SLC4A4: variants seen among roughly 807,000 people sequenced by gnomAD.
SLC4A4 encodes solute carrier family 4 member 4.
In SLC4A4, 27 loss-of-function variants were observed where a neutral mutation model predicts 111.5. The observed-to-expected ratio is 0.24, with a 90% CI of 0.18 to 0.33. The LOEUF is 0.33. Ranked by LOEUF, SLC4A4 falls within the 10% of genes least tolerant of loss-of-function variation. SLC4A4 has a pLI of 1.00. For missense variants in SLC4A4, 909 were observed against 1,315.5 expected, an observed-to-expected ratio of 0.69 and a Z score of 4.78; for synonymous variants, 443 against 463.4, an observed-to-expected ratio of 0.96 and a Z score of 0.57.
intron 3 of SLC4A4, among the ~76,000 whole-genome samples, chr4:71,338,241 A>T (rs1485948002): frequency 6.6e-6 from 1 of 152,078 alleles, no homozygotes; most frequent in Non-Finnish European, 1.5e-5. Flanking sequence ...ATAAATTTTG[A>T]TCTATGGAAT....
intron 14 of SLC4A4, among the ~76,000 whole-genome samples, chr4:71,478,318 T>C (rs1489112608): frequency 6.6e-6 from 1 of 151,844 alleles, no homozygotes; most frequent in Non-Finnish European, 1.5e-5. Flanking sequence ...AGTGTCTTTA[T>C]TGCAGCAATA....
chr4:71,168,177 CTTT>C lies in SLC4A4; in HGVS notation c.-1-68379_-1-68377del, dbSNP rs777092928. On this transcript the variant is annotated intron_variant, in intron 2 of 26. Transcript: ENST00000649996. ...GTGTTACAAACAATTCAATTATACT[CTTT>C]TTTTTTTTTTTTTTTTTTTGAGATG... Among the ~76,000 whole-genome samples, 529 of 106,224 alleles carry C rather than the reference CTTT, an allele frequency of 5.0e-3. 1 individual carries two copies. The highest frequency in any genetic ancestry group is 0.022 in the African/African-American group (500 of 23,056). 69.7% of individuals were successfully genotyped at this position (106,224 alleles called of 152,430 possible).
intron 6 of SLC4A4, among the ~76,000 whole-genome samples, chr4:71,364,135 G>A (rs1731037903): frequency 1.3e-5 from 2 of 152,142 alleles, no homozygotes; most frequent in African/African-American, 4.8e-5. Flanking sequence ...TAAAACTCAA[G>A]TGGGTCTTTA....
intron 1 of SLC4A4, among the ~76,000 whole-genome samples, chr4:71,211,424 A>G (rs532510367): frequency 6.6e-6 from 1 of 152,352 alleles, no homozygotes; most frequent in African/African-American, 2.4e-5. Flanking sequence ...ATGGTATATG[A>G]TAGCTCACAC....
intron 2 of SLC4A4, among the ~76,000 whole-genome samples, chr4:71,178,972 C>A (rs1036169519): frequency 6.6e-6 from 1 of 152,036 alleles, no homozygotes; most frequent in Admixed American, 6.6e-5. Flanking sequence ...ACTGGCAAAC[C>A]GAATCCAGCA....
chr4:71,410,153 A>G (rs776044655), intron 7 of SLC4A4, among the ~76,000 whole-genome samples: 9 of 152,162 alleles, frequency 5.9e-5, no homozygotes, highest in Non-Finnish European at 1.2e-4. Context: ...GAGGGGTTGG[A>G]TCCCCCACAC....
At chr4:71,287,982 T>A (rs1290347806) in intron 3 of SLC4A4, among the ~76,000 whole-genome samples, 1 of 152,174 alleles carries the variant, frequency 6.6e-6, no homozygotes, top group Non-Finnish European at 1.5e-5. Flanking sequence ...AGTTAATATG[T>A]TACCTTATCC....
intron 1 of SLC4A4, among the ~76,000 whole-genome samples, chr4:71,080,595 C>T (rs1472650283): frequency 6.6e-6 from 1 of 152,080 alleles, no homozygotes; most frequent in Non-Finnish European, 1.5e-5. Context: ...GCCTTTCTCA[C>T]TTTGATTATT....
intron 3 of SLC4A4, among the ~76,000 whole-genome samples, chr4:71,311,713 A>G (rs1363517941): frequency 3.9e-5 from 6 of 152,234 alleles, no homozygotes; most frequent in African/African-American, 1.2e-4. Context: ...ATAGCACTCA[A>G]TGCCCAAAGG....
chr4:71,107,644 C>T (rs934774725), intron 2 of SLC4A4, among the ~76,000 whole-genome samples: 12 of 152,082 alleles, frequency 7.9e-5, no homozygotes, highest in East Asian at 3.8e-4. Context: ...ACACTGCACC[C>T]GGCTGTTTAG....
intron 2 of SLC4A4, among the ~76,000 whole-genome samples, chr4:71,115,432 A>G (rs1743219688): frequency 6.6e-6 from 1 of 152,172 alleles, no homozygotes; most frequent in East Asian, 1.9e-4. Context: ...AAAACAAAAA[A>G]CCCAGCTGAG....
At chr4:71,394,783 A>T (rs1719648138) in intron 6 of SLC4A4, among the ~76,000 whole-genome samples, 1 of 152,138 alleles carries the variant, frequency 6.6e-6, no homozygotes, top group African/African-American at 2.4e-5. Context: ...AGTGACCTGG[A>T]TGGGATTGGA....
rs571203699 is a variant in SLC4A4 at position 71,283,895 on chromosome 4, C to G, written c.253+28496C>G. On this transcript the variant is annotated intron_variant, in intron 3 of 25. Coordinates refer to ENST00000264485, the MANE Select transcript of SLC4A4 (RefSeq NM_001098484.3). ...TTTTATAGTCCTCCTGCTGCAGATG[C>G]CTCCTCCTTTTGCTTCCTTATGCTA... 7.9e-5 allele frequency among the ~76,000 whole-genome samples: 12 copies of G among 152,294 alleles called. No individual in the cohort carries two copies. In the South Asian group the frequency reaches 1.9e-3, roughly 24 times the overall value.
chr4:71,171,572 T>C (rs1744941537), intron 2 of SLC4A4, among the ~76,000 whole-genome samples: 1 of 152,254 alleles, frequency 6.6e-6, no homozygotes, highest in South Asian at 2.1e-4. Flanking sequence ...TTATTAATGA[T>C]TGAATGCAGC....
chr4:71,184,641 C>G (rs1745395500), upstream of SLC4A4, among the ~76,000 whole-genome samples: 1 of 152,098 alleles, frequency 6.6e-6, no homozygotes, highest in African/African-American at 2.4e-5. Context: ...GCTGTGTGAA[C>G]CCCAAGACAA....
At chr4:71,388,685 C>T (rs912238296) in intron 6 of SLC4A4, among the ~76,000 whole-genome samples, 2 of 152,016 alleles carry the variant, frequency 1.3e-5, no homozygotes, top group Admixed American at 6.5e-5. Context: ...AGTAGCTGGG[C>T]CTACAGGTGT....
intron 16 of SLC4A4, among the ~76,000 whole-genome samples, chr4:71,517,131 A>G (rs1198486598): frequency 6.6e-6 from 1 of 152,122 alleles, no homozygotes; most frequent in Non-Finnish European, 1.5e-5. Context: ...AGATATTTAT[A>G]TTTCCCTAGA....
At chr4:71,359,763 C>A (rs1468831467) in intron 6 of SLC4A4, among the ~76,000 whole-genome samples, 1 of 152,128 alleles carries the variant, frequency 6.6e-6, no homozygotes, top group Non-Finnish European at 1.5e-5. Context: ...TAATAGACCA[C>A]AATCTTTCAG....
intron 14 of SLC4A4, among the ~76,000 whole-genome samples, chr4:71,483,243 G>T (rs1238495377): frequency 1.3e-5 from 2 of 151,484 alleles, no homozygotes; most frequent in African/African-American, 2.4e-5. Flanking sequence ...TGCCATGGGG[G>T]GTTGTTTTAA....
Sources: gnomAD v4.1 joint callset for allele counts (sites outside exome capture counted in the v4.1 genomes callset) on GRCh38, gnomAD v4.1.1 for gene constraint, MANE v1.5 for transcripts, NCBI Gene and HGNC (gene_info 2026-07-23, HGNC 2026-07-21) for gene names.